Variants in SPMIP2 observed in about 807,000 individuals in gnomAD.
The protein encoded by SPMIP2 is sperm microtubule inner protein 2.
chr4:159,082,101 T>A, the SPMIP2 span, among the ~76,000 whole-genome samples: 1 of 150,668 alleles, frequency 6.6e-6, no homozygotes, highest in Non-Finnish European at 1.5e-5. Context: ...GCAGATCACT[T>A]GAGGTCAGGA....
the SPMIP2 span, among the ~76,000 whole-genome samples, chr4:158,964,686 A>G: frequency 6.6e-6 from 1 of 152,220 alleles, no homozygotes; most frequent in Non-Finnish European, 1.5e-5. Context: ...CCGTGTTCAC[A>G]CTGCTGTGAA....
chr4:159,069,539 A>G, the SPMIP2 span, among the ~76,000 whole-genome samples: 1 of 151,324 alleles, frequency 6.6e-6, no homozygotes, highest in South Asian at 2.1e-4. Flanking sequence ...GGCTCAAGAA[A>G]TCCTCCTACC....
the SPMIP2 span, among the ~76,000 whole-genome samples, chr4:158,959,434 A>G: frequency 2.9e-5 from 1 of 34,438 alleles, no homozygotes; most frequent in Admixed American, 5.1e-4. Flanking sequence ...GGAATTGCCC[A>G]CTAAGGTATT....
chr4:158,968,385 T>G, the SPMIP2 span, among the ~76,000 whole-genome samples: 1 of 152,166 alleles, frequency 6.6e-6, no homozygotes, highest in Non-Finnish European at 1.5e-5. Flanking sequence ...TGATGCAAAG[T>G]GGGATGCTAG....
the SPMIP2 span, chr4:158,906,737 A>G: frequency 1.3e-5 from 2 of 152,136 alleles, no homozygotes; most frequent in African/African-American, 2.4e-5. Flanking sequence ...CTGCTCTTTT[A>G]TAATCCTTTA....
the SPMIP2 span, among the ~76,000 whole-genome samples, chr4:159,062,855 A>ATT: frequency 6.5e-5 from 9 of 137,722 alleles, no homozygotes; most frequent in Admixed American, 2.2e-4. Flanking sequence ...GGCCTGGCTA[A>ATT]TTTTTTTTTT....
At chr4:159,082,469 G>GTGTATGTGTGTGTGTGTGTGTGTA in the SPMIP2 span, among the ~76,000 whole-genome samples, 1 of 148,982 alleles carries the variant, frequency 6.7e-6, no homozygotes, top group African/African-American at 2.4e-5. Context: ...GTGTGTGTGT[G>GTGTATGTGTGTGTGTGTGTGTGTA]TGTGTGTGTG....
At chr4:158,907,148 T>A in the SPMIP2 span, 1 of 152,254 alleles carries the variant, frequency 6.6e-6, no homozygotes, top group Non-Finnish European at 1.5e-5. Flanking sequence ...TGCAGTTTTA[T>A]TTTTAATAAA....
the SPMIP2 span, chr4:158,905,280 G>A: frequency 6.6e-6 from 1 of 152,230 alleles, no homozygotes. Flanking sequence ...CCATCAAGAT[G>A]TAGTTTGTAG....
At chr4:159,068,658 A>C in the SPMIP2 span, among the ~76,000 whole-genome samples, 2 of 151,804 alleles carry the variant, frequency 1.3e-5, no homozygotes, top group South Asian at 4.1e-4. Flanking sequence ...CTTAAAGTAT[A>C]ATTAAAAAAT....
chr4:158,970,002 G>T, the SPMIP2 span, among the ~76,000 whole-genome samples: 1 of 152,182 alleles, frequency 6.6e-6, no homozygotes, highest in Non-Finnish European at 1.5e-5. Flanking sequence ...AACAGGAAGT[G>T]GATTGAGACA....
chr4:158,941,760 T>TA, the SPMIP2 span, among the ~76,000 whole-genome samples: 2 of 152,104 alleles, frequency 1.3e-5, no homozygotes, highest in Non-Finnish European at 2.9e-5. Flanking sequence ...ATGTGGCTTT[T>TA]TAAAGAAAGT....
the SPMIP2 span, among the ~76,000 whole-genome samples, chr4:158,939,203 G>T: frequency 1.3e-5 from 2 of 152,064 alleles, no homozygotes; most frequent in Non-Finnish European, 2.9e-5. Context: ...GTTTAGTTTT[G>T]GATAAGTTTA....
chr4:158,944,313 G>A, the SPMIP2 span, among the ~76,000 whole-genome samples: 313 of 151,546 alleles, frequency 2.1e-3, 1 homozygote, highest in South Asian at 4.2e-3. Context: ...CTCTGTCTTG[G>A]TGAGACAGAC....
the SPMIP2 span, among the ~76,000 whole-genome samples, chr4:159,077,870 A>T: frequency 4.6e-5 from 7 of 152,372 alleles, no homozygotes; most frequent in Admixed American, 6.5e-5. Flanking sequence ...TGTCAAATAA[A>T]GTACTGAAAC....
chr4:158,912,717 C>T, the SPMIP2 span, among the ~76,000 whole-genome samples: 7 of 152,188 alleles, frequency 4.6e-5, no homozygotes, highest in African/African-American at 9.7e-5. Flanking sequence ...TTTATTGAAG[C>T]ATCCACACAA....
chr4:158,996,931 T>G, the SPMIP2 span, among the ~76,000 whole-genome samples: 1 of 152,152 alleles, frequency 6.6e-6, no homozygotes, highest in Non-Finnish European at 1.5e-5. Flanking sequence ...GATTCAGAAT[T>G]TAATCCTGAG....
the SPMIP2 span, among the ~76,000 whole-genome samples, chr4:158,977,600 CTTTTT>C: frequency 2.8e-5 from 2 of 72,384 alleles, no homozygotes; most frequent in Non-Finnish European, 4.9e-5. Context: ...TCCTTCAGTT[CTTTTT>C]TTTTTTTTTT....
chr4:158,986,329 C>G, the SPMIP2 span, among the ~76,000 whole-genome samples: 1 of 152,236 alleles, frequency 6.6e-6, no homozygotes, highest in African/African-American at 2.4e-5. Flanking sequence ...ATTGCCAAGT[C>G]AATCCTAAGA....
Sources: gnomAD v4.1 joint callset for allele counts (sites outside exome capture counted in the v4.1 genomes callset) on GRCh38, gnomAD v4.1.1 for gene constraint, MANE v1.5 for transcripts, NCBI Gene and HGNC (gene_info 2026-07-23, HGNC 2026-07-21) for gene names.